The following SEM1 variants were observed in gnomAD, a reference collection of about 807,000 sequenced individuals.
SEM1 encodes 26S proteasome complex subunit SEM1.
Under a neutral mutation model 12.7 loss-of-function variants are expected in SEM1, and 3 were observed. The observed-to-expected ratio is 0.24, with a 90% CI of 0.11 to 0.61. The LOEUF is 0.61. SEM1 is among the 20% of genes least tolerant of loss of function. SEM1 has a pLI of 0.88. For missense variants in SEM1, 59 were observed against 81.3 expected (o/e 0.73, Z 1.06); for synonymous variants, 30 against 27.8 (o/e 1.08, Z -0.25).
chr7:96,561,207 G>C (rs1156884974), intron 2 of SEM1, among the ~76,000 whole-genome samples: 1 of 152,170 alleles, frequency 6.6e-6, no homozygotes, highest in East Asian at 1.9e-4. Flanking sequence ...AAGATAATTA[G>C]AATAATTTTG....
intron 2 of SEM1, among the ~76,000 whole-genome samples, chr7:96,659,930 A>AAAAAAAAAAG (rs147067197): frequency 6.7e-6 from 1 of 150,200 alleles, no homozygotes. Context: ...AAAAAAAAAA[A>AAAAAAAAAAG]CAAAAACAAG....
chr7:96,694,494 T>G (rs1790029297), intron 2 of SEM1, among the ~76,000 whole-genome samples: 1 of 151,964 alleles, frequency 6.6e-6, no homozygotes, highest in Non-Finnish European at 1.5e-5. Flanking sequence ...TTCTGCTGAG[T>G]TATTTGATAT....
intron 2 of SEM1, among the ~76,000 whole-genome samples, chr7:96,644,405 C>G (rs896077950): frequency 6.6e-6 from 1 of 152,042 alleles, no homozygotes; most frequent in African/African-American, 2.4e-5. Flanking sequence ...GGTTTCCTGT[C>G]TTGCTATTTT....
chr7:96,684,219 G>C (rs1789697781), downstream of SEM1, among the ~76,000 whole-genome samples: 1 of 151,962 alleles, frequency 6.6e-6, no homozygotes, highest in Admixed American at 6.6e-5. Flanking sequence ...GGAGGGAAAG[G>C]CTGGCTTTGT....
At chr7:96,645,472 T>G (rs761976703) in intron 2 of SEM1, 11 of 299,520 alleles carry the variant, frequency 3.7e-5, no homozygotes, top group African/African-American at 6.4e-5. Context: ...AATGACTAAG[T>G]GCTCCTCAGG....
chr7:96,547,003 CT>C (rs1290657724), intron 2 of SEM1, among the ~76,000 whole-genome samples: 2 of 152,046 alleles, frequency 1.3e-5, no homozygotes, highest in African/African-American at 2.4e-5. Context: ...TGCAAATTCT[CT>C]AATGCAGATT....
At chr7:96,547,564 A>C (rs1031896107) in intron 2 of SEM1, among the ~76,000 whole-genome samples, 4 of 152,200 alleles carry the variant, frequency 2.6e-5, no homozygotes, top group African/African-American at 9.6e-5. Context: ...GACTGGCAGC[A>C]GTTCCTAAGT....
chr7:96,509,046 GC>G (rs1803845292), intron 2 of SEM1, among the ~76,000 whole-genome samples: 1 of 151,112 alleles, frequency 6.6e-6, no homozygotes, highest in South Asian at 2.1e-4. Flanking sequence ...GAGTGCAGTG[GC>G]ACAATCTCAG....
chr7:96,588,154 AG>A (rs1231855190), intron 2 of SEM1, among the ~76,000 whole-genome samples: 1 of 148,684 alleles, frequency 6.7e-6, no homozygotes, highest in African/African-American at 2.5e-5. Flanking sequence ...GGATCGCTTG[AG>A]CCCAGGACTT....
At chr7:96,683,753 C>T (rs147829122) in intron 2 of SEM1, among the ~76,000 whole-genome samples, 1,681 of 152,228 alleles carry the variant, frequency 0.011, 34 homozygotes, top group African/African-American at 0.037. Flanking sequence ...AGCTGGAAAC[C>T]ATCATTCTCA....
chr7:96,602,554 A>G (rs1218770984), intron 2 of SEM1, among the ~76,000 whole-genome samples: 9 of 152,190 alleles, frequency 5.9e-5, no homozygotes, highest in Admixed American at 5.9e-4. Context: ...GTCCTGGTAT[A>G]TGCCCATGCA....
At chr7:96,638,139 C>T (rs971836428) in intron 2 of SEM1, among the ~76,000 whole-genome samples, 1 of 152,082 alleles carries the variant, frequency 6.6e-6, no homozygotes, top group African/African-American at 2.4e-5. Context: ...TTCTTCACCT[C>T]GTTCCTCCAT....
intron 1 of SEM1, among the ~76,000 whole-genome samples, chr7:96,708,636 AG>A (rs772256295): frequency 6.6e-5 from 10 of 152,234 alleles, no homozygotes; most frequent in Non-Finnish European, 1.2e-4. Context: ...AACTGGCAAC[AG>A]CAATCTCACA....
intron 2 of SEM1, among the ~76,000 whole-genome samples, chr7:96,679,356 A>T (rs1306514102): frequency 5.9e-5 from 9 of 152,144 alleles, no homozygotes; most frequent in Admixed American, 5.9e-4. Context: ...GGATTTCTAT[A>T]CATAAAATAC....
At chr7:96,496,436 C>A, upstream of SEM1, 1 of 582,394 alleles carries the variant, frequency 1.7e-6, no homozygotes, top group Non-Finnish European at 3.0e-6. Flanking sequence ...TTTATACTGC[C>A]CCCCCCAACA....
chr7:96,681,265 T>C (rs1157659677), intron 2 of SEM1, among the ~76,000 whole-genome samples: 4 of 152,062 alleles, frequency 2.6e-5, no homozygotes, highest in Non-Finnish European at 4.4e-5. Flanking sequence ...CTGACAGCAT[T>C]TGAGGAAAAT....
At chr7:96,621,877 A>G (rs1380101173), downstream of SEM1, 1 of 152,124 alleles carries the variant, frequency 6.6e-6, no homozygotes, top group African/African-American at 2.4e-5. Context: ...ATTAAAGGGA[A>G]CTCTGTAGCT....
intron 2 of SEM1, among the ~76,000 whole-genome samples, chr7:96,548,307 A>G (rs1805164075): frequency 6.6e-6 from 1 of 152,094 alleles, no homozygotes; most frequent in African/African-American, 2.4e-5. Context: ...TCCTAAGAGG[A>G]GCCAATAGTT....
chr7:96,514,168 A>C (rs1427592268), intron 2 of SEM1, among the ~76,000 whole-genome samples: 1 of 152,158 alleles, frequency 6.6e-6, no homozygotes, highest in African/African-American at 2.4e-5. Context: ...TGGAATTACT[A>C]AGTCAAATGT....
Sources: allele counts gnomAD v4.1 joint callset (sites outside exome capture counted in the v4.1 genomes callset), GRCh38; gene constraint gnomAD v4.1.1; transcripts MANE v1.5; gene names NCBI Gene and HGNC (gene_info 2026-07-23, HGNC 2026-07-21).